NBEA: variants seen among roughly 807,000 people sequenced by gnomAD.
NBEA encodes lysosomal-trafficking regulator 2.
In NBEA, 44 loss-of-function variants were observed where a neutral mutation model predicts 343.4. The observed-to-expected ratio is 0.13, with a 90% confidence interval of 0.10 to 0.16. NBEA has a LOEUF of 0.16. NBEA is among the 10% of genes least tolerant of loss of function. The pLI is 1.00. For synonymous variants in NBEA, 1,175 were observed against 1,238.7 expected, an observed-to-expected ratio of 0.95 and a Z score of 1.08; for missense variants, 2,555 against 3,631.3, an observed-to-expected ratio of 0.70 and a Z score of 7.62.
intron 17 of NBEA, among the ~76,000 whole-genome samples, chr13:35,126,860 A>G (rs1188547936): frequency 2.0e-5 from 3 of 150,396 alleles, no homozygotes; most frequent in East Asian, 4.0e-4. Flanking sequence ...GGAGGTTGCA[A>G]TGAGCTGAGA....
chr13:34,960,636 T>C (rs2059632863), intron 1 of NBEA, among the ~76,000 whole-genome samples: 1 of 152,084 alleles, frequency 6.6e-6, no homozygotes, highest in African/African-American at 2.4e-5. Context: ...TGTCTAGATA[T>C]GTTTGGATAT....
Position 35,208,712 on chromosome 13 carries a change from G to T in NBEA, c.5379G>T (p.Val1793=). ...QFHSFDRSVV[V]PVKKPPPGSL... is the part of the protein sequence containing the mutation. ...CATTTCTTTGCAGGAGTGTTGTGGTGCCTGTAAAGAAACCACCTCCAGGTA... is the reference window on the plus strand; with the variant it reads ...CATTTCTTTGCAGGAGTGTTGTGGTTCCTGTAAAGAAACCACCTCCAGGTA... The change falls in exon 32 of 59, where the codon GTG becomes GTT. Residue 1793 remains valine (V), a synonymous_variant. Coordinates refer to ENST00000379939, the MANE Select transcript of NBEA (RefSeq NM_001385012.1). 2 of 1,592,710 alleles carry T rather than the reference G, an allele frequency of 1.3e-6. No individual in the cohort carries two copies. Among genetic ancestry groups the T allele is most frequent in the Non-Finnish European group, 8.6e-7 (1 of 1,168,116 alleles).
chr13:35,143,313 A>C (rs927276823), intron 18 of NBEA, among the ~76,000 whole-genome samples: 1 of 152,220 alleles, frequency 6.6e-6, no homozygotes, highest in Non-Finnish European at 1.5e-5. Flanking sequence ...GTTGCTTGGC[A>C]AACTAGAAAT....
rs529892733 is a variant in NBEA at position 35,648,335 on chromosome 13, C to T, written c.7771-1320C>T. Among the ~76,000 whole-genome samples, 39 of 152,044 alleles carry T rather than the reference C, an allele frequency of 2.6e-4. 1 individual carries two copies. Among genetic ancestry groups the T allele is most frequent in the Non-Finnish European group, 5.0e-4 (34 of 68,000 alleles). ...GTTTGCACCAAGCTCAGGCTGTTGC[C>T]GTATAAACCCCTCAGCCACATTGTA... On this transcript the variant is annotated intron_variant, in intron 51 of 58. Coordinates refer to ENST00000379939, the MANE Select transcript of NBEA (RefSeq NM_001385012.1).
chr13:35,450,254 C>T (rs918099138), intron 39 of NBEA, among the ~76,000 whole-genome samples: 8 of 151,642 alleles, frequency 5.3e-5, no homozygotes, highest in Admixed American at 2.6e-4. Context: ...GTGGGAGGAT[C>T]GCTTGAGCTC....
At chr13:35,446,389 C>T (rs1385918291) in intron 39 of NBEA, among the ~76,000 whole-genome samples, 2 of 152,144 alleles carry the variant, frequency 1.3e-5, no homozygotes, top group Non-Finnish European at 2.9e-5. Flanking sequence ...GAGGAATTGC[C>T]TCACTGTCTT....
intron 46 of NBEA, among the ~76,000 whole-genome samples, chr13:35,585,118 G>A (rs2081239360): frequency 1.1e-4 from 1 of 9,122 alleles, no homozygotes; most frequent in Non-Finnish European, 2.2e-4. Flanking sequence ...ATATATTTAA[G>A]TCTCACTGAC....
intron 27 of NBEA, among the ~76,000 whole-genome samples, chr13:35,175,403 A>G (rs962538396): frequency 6.6e-6 from 1 of 152,328 alleles, no homozygotes; most frequent in South Asian, 2.1e-4. Flanking sequence ...TTGTCGTGAA[A>G]CGAATAAATA....
Position 35,156,189 on chromosome 13 carries a change from C to T in NBEA, c.2634C>T (p.Asn878=), listed in dbSNP as rs2152708269. 3 of 1,581,520 alleles carry T rather than the reference C, an allele frequency of 1.9e-6. No individual in the cohort carries two copies. Among genetic ancestry groups the T allele is most frequent in the East Asian group, 2.3e-5 (1 of 43,898 alleles). ...FLSDMIKLFS[N]SRENRRCLLQ... ...CTGATATGATAAAACTTTTCAGTAA[C>T]AGCCGTGAAAATAGAAGGTAAGCAG... is the stretch of plus-strand genomic sequence containing the variant. Residue 878 remains asparagine, a synonymous_variant, in exon 20 of 59, where the codon AAC becomes AAT. Coordinates refer to ENST00000379939, the MANE Select transcript of NBEA (RefSeq NM_001385012.1).
At chr13:35,091,594 T>C (rs193093112) in intron 10 of NBEA, among the ~76,000 whole-genome samples, 93 of 152,098 alleles carry the variant, frequency 6.1e-4, no homozygotes, top group Middle Eastern at 6.8e-3. Flanking sequence ...ATGTTTAGCA[T>C]ACTAGTGTCA....
intron 41 of NBEA, among the ~76,000 whole-genome samples, chr13:35,501,878 T>G (rs2076901460): frequency 6.6e-6 from 1 of 152,072 alleles, no homozygotes; most frequent in Admixed American, 6.6e-5. Flanking sequence ...CCAGATCCCC[T>G]CTCTGATTTT....
At chr13:35,535,644 T>A (rs1160822905) in intron 41 of NBEA, among the ~76,000 whole-genome samples, 1 of 152,152 alleles carries the variant, frequency 6.6e-6, no homozygotes, top group Non-Finnish European at 1.5e-5. Flanking sequence ...GTTATTTCAT[T>A]TAATACTCAC....
chr13:35,497,013 A>G (rs1211419119), intron 41 of NBEA, among the ~76,000 whole-genome samples: 1 of 152,118 alleles, frequency 6.6e-6, no homozygotes, highest in Non-Finnish European at 1.5e-5. Flanking sequence ...TCTATGCTTC[A>G]GTCATAAGCA....
chr13:35,124,842 T>C (rs1485406723), intron 17 of NBEA, among the ~76,000 whole-genome samples: 1 of 151,824 alleles, frequency 6.6e-6, no homozygotes, highest in African/African-American at 2.4e-5. Flanking sequence ...ATATATGGTA[T>C]ATGGAACTGT....
intron 10 of NBEA, among the ~76,000 whole-genome samples, chr13:35,077,081 T>C (rs919890027): frequency 2.0e-5 from 3 of 152,050 alleles, no homozygotes; most frequent in African/African-American, 7.2e-5. Context: ...GGGTGAGATG[T>C]GATGACCATA....
At chr13:35,431,966 C>G (rs1298549935) in intron 38 of NBEA, among the ~76,000 whole-genome samples, 1 of 151,972 alleles carries the variant, frequency 6.6e-6, no homozygotes. Flanking sequence ...GCCTTTGTTA[C>G]TAAACTCCAC....
chr13:35,156,402 G>A (rs938486957), intron 20 of NBEA, among the ~76,000 whole-genome samples, 196 bp downstream of exon 20: 1 of 151,352 alleles, frequency 6.6e-6, no homozygotes, highest in Non-Finnish European at 1.5e-5. Context: ...ATTTTGTTAC[G>A]TGGATATTAT....
chr13:35,610,001 A>G (rs765556545), intron 48 of NBEA, among the ~76,000 whole-genome samples: 3 of 152,228 alleles, frequency 2.0e-5, no homozygotes, highest in Non-Finnish European at 4.4e-5. Flanking sequence ...ATGCAGACAT[A>G]GGAAACAGTG....
intron 38 of NBEA, among the ~76,000 whole-genome samples, chr13:35,409,156 G>A (rs2183214): frequency 0.87 from 132,928 of 152,184 alleles, 59,134 homozygotes; most frequent in Non-Finnish European, 0.95. Flanking sequence ...ATGGAGTACT[G>A]TGCTTCCATG....
Sources: gnomAD v4.1 joint callset for allele counts (sites outside exome capture counted in the v4.1 genomes callset) on GRCh38, gnomAD v4.1.1 for gene constraint, MANE v1.5 for transcripts, NCBI Gene and HGNC (gene_info 2026-07-23, HGNC 2026-07-21) for gene names.